FLG: variants seen among roughly 807,000 people sequenced by gnomAD.
FLG encodes filaggrin.
FLG carries 6 observed loss-of-function variants against 3.8 expected under a neutral mutation model. That is an observed-to-expected ratio of 1.60 (90% CI 0.87 to 3.15). FLG has a LOEUF of 3.15. Among genes scored for constraint, FLG ranks in the 30% most tolerant of loss-of-function variants. The pLI is 0.00. For missense variants in FLG, 7,595 were observed against 5,050.9 expected, an observed-to-expected ratio of 1.50 and a Z score of -15.27; for synonymous variants, 2,551 against 1,931.6, an observed-to-expected ratio of 1.32 and a Z score of -8.41.
chr1:152,311,410 T>C lies in FLG; in HGVS notation c.3476A>G (p.Gln1159Arg). The change falls in exon 3 of 3, where the codon CAA becomes CGA. Residue 1159 changes from glutamine to arginine, a missense_variant. Physicochemically the swap from Gln to Arg is conservative, Grantham distance 43. Coordinates refer to ENST00000368799, the MANE Select transcript of FLG (RefSeq NM_002016.2). ...ARDSSRHSAS[Q>R]EGQDTIRAHP... is the part of the protein sequence containing the mutation. ...TGCACGAATGGTGTCCTGACCCTCT[T>C]GGGACGCTGAGTGCCTGGAGCTGTC... is the stretch of plus-strand genomic sequence containing the variant. The C allele has an allele frequency of 3.1e-6, 5 of 1,613,674 alleles. No homozygotes were observed. Among genetic ancestry groups the C allele is most frequent in the Non-Finnish European group, 4.2e-6 (5 of 1,179,908 alleles).
chr1:152,314,270 C>G lies in FLG; in HGVS notation c.616G>C (p.Glu206Gln), dbSNP rs755239247. The G allele has an allele frequency of 6.8e-6, 11 of 1,613,428 alleles. No individual in the cohort carries two copies. The highest frequency in any genetic ancestry group is 2.2e-5 in the East Asian group (1 of 44,878). ...ACTCCTTCTTCATTGTCTTCTTTCT[C>G]TTCAAGTCTTTCACTTAGCCTCTTC... ...NRKRLSERLEEKEDNEEGVYD... is the reference protein window; with the variant it reads ...NRKRLSERLEQKEDNEEGVYD... The change falls in exon 3 of 3, where the codon GAG becomes CAG. Residue 206 changes from glutamate to glutamine, a missense_variant. Physicochemically the swap from Glu to Gln is conservative, Grantham distance 29. Coordinates refer to ENST00000368799, the MANE Select transcript of FLG (RefSeq NM_002016.2).
Position 152,304,233 on chromosome 1 carries a change from G to A in FLG, c.10653C>T (p.Asp3551=), listed in dbSNP as rs1483162906. ...AAGCAGACCCAGACCACCTCTCAGAGTCTTCTGAGTGTCCCTGACTGTCAC... is the reference window on the plus strand; with the variant it reads ...AAGCAGACCCAGACCACCTCTCAGAATCTTCTGAGTGTCCCTGACTGTCAC... ...QDSDSQGHSE[D]SERWSGSASR... is the part of the protein sequence containing the mutation. The change falls in exon 3 of 3, where the codon GAC becomes GAT. Residue 3551 remains aspartate, a synonymous_variant. Coordinates refer to ENST00000368799, the MANE Select transcript of FLG (RefSeq NM_002016.2). 6.8e-6 allele frequency: 11 copies of A among 1,613,012 alleles called. No homozygotes were observed. Among genetic ancestry groups the A allele is most frequent in the South Asian group, 1.1e-5 (1 of 90,940 alleles).
chr1:152,307,828 G>T lies in FLG; in HGVS notation c.7058C>A (p.Ser2353Tyr), dbSNP rs200206194. 3 of 1,613,334 alleles carry T rather than the reference G, an allele frequency of 1.9e-6. No individual in the cohort carries two copies. The highest frequency in any genetic ancestry group is 2.5e-6 in the Non-Finnish European group (3 of 1,179,932). The change falls in exon 3 of 3, where the codon TCT becomes TAT. Residue 2353 changes from serine to tyrosine, a missense_variant. By Grantham distance (144) the Ser-to-Tyr change is moderately radical. Coordinates refer to ENST00000368799, the MANE Select transcript of FLG (RefSeq NM_002016.2). ...TCGGTGTCCACTGTCTCTGACTGCA[G>T]ATGAAGCTTGTCCGTGCCCAATGCC... Reference protein sequence around the residue: ...HSGIGHGQASSAVRDSGHRGS... With the variant: ...HSGIGHGQASYAVRDSGHRGS...
chr1:152,307,141 C>T lies in FLG; in HGVS notation c.7745G>A (p.Arg2582Lys), dbSNP rs760783869. Residue 2582 changes from arginine to lysine, a missense_variant, in exon 3 of 3, where the codon AGG becomes AAG. Arg to Lys is a conservative substitution (Grantham distance 26). Coordinates refer to ENST00000368799, the MANE Select transcript of FLG (RefSeq NM_002016.2). ...DSQGHSEDSERWSGSASRNHH... is the reference protein window; with the variant it reads ...DSQGHSEDSEKWSGSASRNHH... ...GTTTCTGGAAGCAGACCCAGACCACCTCTCAGAGTCTTCTGAGTGTCCCTG... is the reference window on the plus strand; with the variant it reads ...GTTTCTGGAAGCAGACCCAGACCACTTCTCAGAGTCTTCTGAGTGTCCCTG... The T allele has an allele frequency of 1.9e-6, 3 of 1,612,702 alleles. No individual in the cohort carries two copies. Among genetic ancestry groups the T allele is most frequent in the South Asian group, 2.2e-5 (2 of 91,058 alleles).
In FLG at chr1:152,309,780, A is replaced by G. The variant is rs1180105910; in HGVS notation, c.5106T>C (p.Asp1702=). The part of the protein sequence containing the change: ...STDSGTGRRQ[D]SSVVGDSGNR... ...TTCCACTGTCTCCGACTACAGATGAATCTTGTCTGCGCCCAGTGCCTGAGT... is the reference window on the plus strand; with the variant it reads ...TTCCACTGTCTCCGACTACAGATGAGTCTTGTCTGCGCCCAGTGCCTGAGT... The change falls in exon 3 of 3, where the codon GAT becomes GAC. Residue 1702 remains aspartate, a synonymous_variant. Coordinates refer to ENST00000368799, the MANE Select transcript of FLG (RefSeq NM_002016.2). 5 of 1,612,710 alleles carry G rather than the reference A, an allele frequency of 3.1e-6. No individual in the cohort carries two copies. Among genetic ancestry groups the G allele is most frequent in the South Asian group, 1.1e-5 (1 of 90,992 alleles).
rs375291216 is a variant in FLG at position 152,313,500 on chromosome 1, A to G, written c.1386T>C (p.Ser462=). Residue 462 remains serine (S), a synonymous_variant, in exon 3 of 3, where the codon TCT becomes TCC. Coordinates refer to ENST00000368799, the MANE Select transcript of FLG (RefSeq NM_002016.2). The stretch of plus-strand genomic sequence containing the variant: ...GGTAGAGGGAAGACCCTGAACGTCC[A>G]GACCGTTCCCCTGACCGGCCACGTG... ...ESTRGRSGER[S]GRSGSSLYQV... 108 of 1,613,732 alleles carry G rather than the reference A, an allele frequency of 6.7e-5. No homozygotes were observed. The South Asian group carries it at 1.1e-3, about 16-fold the overall frequency.
At position 152,303,723 on chromosome 1, in the gene FLG, C is replaced by T. The variant is rs373455919; in HGVS notation, c.11163G>A (p.Glu3721=). ...TGGGCCCAGCCCGTCCATGGGCAGA[C>T]TCAGACTGTTCATGAGTGCTCACCT... ...LYQVSTHEQS[E]SAHGRAGPST... Residue 3721 remains glutamate, a synonymous_variant, in exon 3 of 3, where the codon GAG becomes GAA. Coordinates refer to ENST00000368799, the MANE Select transcript of FLG (RefSeq NM_002016.2). 6 of 1,614,044 alleles carry T rather than the reference C, an allele frequency of 3.7e-6. No homozygotes were observed. Among genetic ancestry groups the T allele is most frequent in the South Asian group, 2.2e-5 (2 of 91,068 alleles).
Position 152,312,454 on chromosome 1 carries a change from C to A in FLG, c.2432G>T (p.Gly811Val), listed in dbSNP as rs375030560. 6.8e-6 allele frequency: 11 copies of A among 1,613,456 alleles called. No homozygotes were observed. The highest frequency in any genetic ancestry group is 7.6e-6 in the Non-Finnish European group (9 of 1,179,898). ...TCCTTGTCTTACTCCAGTGCTGGGC[C>A]CTGTCCATCCATGGGAGGACTCAGA... ...KQSESSHGWTGPSTGVRQGSH... is the reference protein window; with the variant it reads ...KQSESSHGWTVPSTGVRQGSH... The change falls in exon 3 of 3, where the codon GGG (glycine) becomes GTG (valine). Residue 811 changes from glycine (G) to valine (V), a missense_variant. By Grantham distance (109) the Gly-to-Val change is moderately radical. Transcript: ENST00000368799.
At position 152,311,580 on chromosome 1, in the gene FLG, G is replaced by C. The variant is rs199992424; in HGVS notation, c.3306C>G (p.Ser1102=). ...ACCTTCCCCCTGACCAGTCACGTGC[G>C]GACTCTTGGTGGCTCTGCTGATGGG... is the stretch of plus-strand genomic sequence containing the variant. The part of the protein sequence containing the change: ...DGPHQQSHQE[S]ARDWSGGRSG... The change falls in exon 3 of 3, where the codon TCC becomes TCG. Residue 1102 remains serine, a synonymous_variant. Coordinates refer to ENST00000368799, the MANE Select transcript of FLG (RefSeq NM_002016.2). 6.2e-7 allele frequency: 1 copy of C among 1,613,992 alleles called. No individual in the cohort carries two copies.
In FLG at chr1:152,321,119, C is replaced by T. The variant is rs541876916; in HGVS notation, c.-22+4070G>A. On this transcript the variant is annotated intron_variant, in intron 1 of 2. Coordinates refer to ENST00000368799, the MANE Select transcript of FLG (RefSeq NM_002016.2). ...ACATATATATGTATATAAACACATA[C>T]ATATATATATGAATGATATCTCTTT... 2.8e-3 allele frequency among the ~76,000 whole-genome samples: 426 copies of T among 150,364 alleles called. 1 individual carries two copies. The highest frequency in any genetic ancestry group is 4.0e-3 in the Non-Finnish European group (268 of 66,978).
Position 152,304,999 on chromosome 1 carries a change from G to C in FLG, c.9887C>G (p.Ser3296Ter). The C allele has an allele frequency of 6.2e-7, 1 of 1,613,938 alleles. No homozygotes were observed. The highest frequency in any genetic ancestry group is 8.5e-7 in the Non-Finnish European group (1 of 1,179,990). Residue 3296 changes from serine to a stop codon, truncating the protein, a stop_gained, in exon 3 of 3, where the codon TCA becomes TGA. Coordinates refer to ENST00000368799, the MANE Select transcript of FLG (RefSeq NM_002016.2). LOFTEE classifies it low-confidence loss of function (END_TRUNC). Reference protein sequence around the residue: ...QAASSHEQARSSPGERHGSRH... With the variant: ...QAASSHEQAR ...GGATCCGTGTCTCTCTCCTGGACTT[G>C]ATCTTGCCTGTTCATGGGATGATGC...
chr1:152,308,092 C>A lies in FLG; in HGVS notation c.6794G>T (p.Arg2265Ile), dbSNP rs369541286. 11 of 1,613,972 alleles carry A rather than the reference C, an allele frequency of 6.8e-6. No individual in the cohort carries two copies. The African/African-American group carries it at 1.1e-4, about 16-fold the overall frequency. ...DSERRSGSASRNHHGSAQEQS... is the reference protein window; with the variant it reads ...DSERRSGSASINHHGSAQEQS... ...CTCCTGAGCAGATCCATGATGGTTT[C>A]TGGACGCAGACCCAGACCGCCTCTC... The change falls in exon 3 of 3, where the codon AGA becomes ATA. Residue 2265 changes from arginine to isoleucine, a missense_variant. Arg to Ile is a moderately conservative substitution (Grantham distance 97, BLOSUM62 -3). Coordinates refer to ENST00000368799, the MANE Select transcript of FLG (RefSeq NM_002016.2).
intron 1 of FLG, 131 bp from the exon 2 acceptor site, chr1:152,315,608 A>C (rs1652761015): frequency 1.5e-6 from 1 of 657,880 alleles, no homozygotes; most frequent in Non-Finnish European, 2.5e-6. Context: ...GAAGATGGAC[A>C]TGAGAAACTT....
rs763591026 is a variant in FLG, at chr1:152,303,480, C to T, written c.11406G>A (p.Gly3802=). The T allele has an allele frequency of 5.0e-6, 8 of 1,613,948 alleles. No individual in the cohort carries two copies. The South Asian group carries it at 6.6e-5, about 13-fold the overall frequency. The change falls in exon 3 of 3, where the codon GGG becomes GGA. Residue 3802 remains glycine (G), a synonymous_variant. Transcript: ENST00000368799. ...TSQGRSDASH[G]QSGSRSASRE... ...TGCTTGCACTTCTGGATCCTGACTG[C>T]CCATGGGAGGCATCAGACCTTCCCT... is the stretch of plus-strand genomic sequence containing the variant.
Position 152,309,283 on chromosome 1 carries a change from G to A in FLG, c.5603C>T (p.Thr1868Ile), listed in dbSNP as rs1377960001. 3.7e-6 allele frequency: 6 copies of A among 1,613,494 alleles called. No individual in the cohort carries two copies. In the African/African-American group the frequency reaches 5.4e-5, roughly 14 times the overall value. Residue 1868 changes from threonine to isoleucine, a missense_variant, in exon 3 of 3, where the codon ACA becomes ATA. Thr to Ile is a moderately conservative substitution (Grantham distance 89). Coordinates refer to ENST00000368799, the MANE Select transcript of FLG (RefSeq NM_002016.2). ...GTCTCCTGATTGTTTCTCATTACGT[G>A]TTTGTCTGCTGACACTTCTGGATCC... ...QSGSRSVSRQTRNEKQSGDGS... is the reference protein window; with the variant it reads ...QSGSRSVSRQIRNEKQSGDGS...
In FLG at chr1:152,314,295, C is replaced by T; in HGVS notation, c.591G>A (p.Arg197=). The T allele has an allele frequency of 6.2e-7, 1 of 1,613,378 alleles. No homozygotes were observed. Among genetic ancestry groups the T allele is most frequent in the Non-Finnish European group, 8.5e-7 (1 of 1,179,894 alleles). Residue 197 remains arginine, a synonymous_variant, in exon 3 of 3, where the codon AGG becomes AGA. Transcript: ENST00000368799. ...KTENTRLGDN[R]KRLSERLEEK... The stretch of plus-strand genomic sequence containing the variant: ...CTTCAAGTCTTTCACTTAGCCTCTT[C>T]CTATTGTCTCCTAATCTAGTATTTT...
intron 1 of FLG, among the ~76,000 whole-genome samples, chr1:152,321,929 A>G (rs1349335508): frequency 6.6e-6 from 1 of 151,246 alleles, no homozygotes; most frequent in Non-Finnish European, 1.5e-5. Context: ...ATTCAGTAGT[A>G]TATAAAAAGA....
rs757581280 is a variant in FLG at position 152,304,914 on chromosome 1, T to A, written c.9972A>T (p.Ser3324=). The A allele has an allele frequency of 1.9e-6, 3 of 1,613,790 alleles. No homozygotes were observed. In the Admixed American group the frequency reaches 5.0e-5, roughly 27 times the overall value. Residue 3324 remains serine (S), a synonymous_variant, in exon 3 of 3, where the codon TCA becomes TCT. Transcript: ENST00000368799. ...AGTGTCTACTGTCTCTGACTGCAGA[T>A]GAAGCTTGTCCACGCGGAATGCCTG... ...RHSGIPRGQA[S]SAVRDSRHWG...
Position 152,309,751 on chromosome 1 carries a change from C to A in FLG, c.5135G>T (p.Arg1712Leu), listed in dbSNP as rs763343831. 6.2e-7 allele frequency: 1 copy of A among 1,613,884 alleles called. No homozygotes were observed. Among genetic ancestry groups the A allele is most frequent in the African/African-American group, 1.3e-5 (1 of 74,946 alleles). ...ACTGGCCTGGCTACCACTGGACCCT[C>A]GGTTTCCACTGTCTCCGACTACAGA... is the stretch of plus-strand genomic sequence containing the variant. ...DSSVVGDSGN[R>L]GSSGSQASDS... Residue 1712 changes from arginine (R) to leucine (L), a missense_variant, in exon 3 of 3, where the codon CGA becomes CTA. By Grantham distance (102) the Arg-to-Leu change is moderately radical (BLOSUM62 -2). Coordinates refer to ENST00000368799, the MANE Select transcript of FLG (RefSeq NM_002016.2).
Sources: gnomAD v4.1 joint callset for allele counts (sites outside exome capture counted in the v4.1 genomes callset) on GRCh38, gnomAD v4.1.1 for gene constraint, MANE v1.5 for transcripts, NCBI Gene and HGNC (gene_info 2026-07-23, HGNC 2026-07-21) for gene names.